The following P2RX4 variants were observed in gnomAD, a reference collection of about 807,000 sequenced individuals.
P2RX4 encodes the protein purinergic receptor P2X 4, also known as P2X purinoceptor 4.
A neutral mutation model predicts 48.0 loss-of-function variants in P2RX4; 37 were observed. The ratio of observed to expected loss-of-function variants is 0.77; its 90% CI spans 0.59 to 1.01. The LOEUF is 1.01. Among genes scored for constraint, P2RX4 ranks in the 50% least tolerant of loss-of-function variants. P2RX4 has a pLI of 0.00. For missense variants in P2RX4, 501 were observed against 521.4 expected (o/e 0.96, Z 0.38); for synonymous variants, 200 against 199.7 (o/e 1.00, Z -0.01).
Position 121,210,261 on chromosome 12 carries a change from C to T in P2RX4, c.97C>T (p.Arg33Cys), listed in dbSNP as rs780436793. The T allele has an allele frequency of 5.1e-6, 8 of 1,558,756 alleles. No homozygotes were observed. The South Asian group carries it at 9.4e-5, about 18-fold the overall frequency. ...CAGCCGCAAAGTGGGGCTCATGAAC[C>T]GCGCCGTGCAACTGCTCATCCTGGC... ...IRSRKVGLMN[R>C]AVQLLILAYV... The change falls in exon 1 of 12, where the codon CGC (arginine) becomes TGC (cysteine). Residue 33 changes from arginine to cysteine, a missense_variant. By Grantham distance (180) the Arg-to-Cys change is radical. Around this residue, in one of 3 missense-constraint regions of P2RX4, gnomAD observed 295 missense variants for 275.3 expected, o/e 1.07. Coordinates refer to ENST00000337233, the MANE Select transcript of P2RX4 (RefSeq NM_002560.3).
At chr12:121,222,440 T>C (rs1253057671) in intron 4 of P2RX4, 1 of 488,978 alleles carries the variant, frequency 2.0e-6, no homozygotes, top group Admixed American at 3.5e-5. Flanking sequence ...TGAGCCAGAG[T>C]CTCGCTCTGT....
At chr12:121,231,455 T>G (rs187073644) in intron 8 of P2RX4, among the ~76,000 whole-genome samples, 182 of 152,262 alleles carry the variant, frequency 1.2e-3, no homozygotes, top group African/African-American at 4.2e-3. Context: ...TGCACCCTTC[T>G]GTCATCCCCC....
At chr12:121,221,196 G>GTGTGTGTGTGTGTGTGTT (rs1886586579) in intron 2 of P2RX4, among the ~76,000 whole-genome samples, 1 of 94,506 alleles carries the variant, frequency 1.1e-5, no homozygotes, top group Non-Finnish European at 2.0e-5. Flanking sequence ...GTGTGTGTGT[G>GTGTGTGTGTGTGTGTGTT]TTTTTAGTAC....
chr12:121,231,132 C>T (rs964837190), intron 8 of P2RX4, among the ~76,000 whole-genome samples: 21 of 151,844 alleles, frequency 1.4e-4, no homozygotes, highest in African/African-American at 2.2e-4. Context: ...GGATTACAGG[C>T]GCCCGCCACC....
intron 1 of P2RX4, among the ~76,000 whole-genome samples, chr12:121,212,625 T>A (rs1885935879): frequency 1.3e-5 from 2 of 149,578 alleles, no homozygotes; most frequent in Middle Eastern, 3.5e-3. Flanking sequence ...CCGTCTCTAC[T>A]AAAAGTACAA....
At chr12:121,217,038 C>A (rs542040199) in intron 1 of P2RX4, 96 bp from the exon 2 acceptor site, 2 of 1,224,726 alleles carry the variant, frequency 1.6e-6, no homozygotes, top group South Asian at 2.4e-5. Flanking sequence ...AATTAGTCAA[C>A]ATCGTACTTC....
chr12:121,232,408 C>A lies in P2RX4; in HGVS notation c.885-6C>A, dbSNP rs768270967. 1 of 1,608,136 alleles carries A rather than the reference C, an allele frequency of 6.2e-7. No individual in the cohort carries two copies. On this transcript the variant is annotated splice_polypyrimidine_tract_variant and splice_region_variant and intron_variant, in intron 8 of 11. Transcript: ENST00000337233. The surrounding 1 kb of genome is among the most constrained non-coding windows in gnomAD (Gnocchi z 4.3). The stretch of plus-strand genomic sequence containing the variant: ...TCTCCCCCTGATCCATCCTCCTTCC[C>A]CTCAGGTTTGCCAAGTACTACAGAG...
chr12:121,223,712 C>A (rs924118490), intron 5 of P2RX4, among the ~76,000 whole-genome samples: 1 of 152,066 alleles, frequency 6.6e-6, no homozygotes, highest in East Asian at 1.9e-4. Context: ...GCGTGCACAG[C>A]GGGGGGGCAG....
Position 121,233,724 on chromosome 12 carries a change from C to A in P2RX4, c.*175C>A. The A allele has an allele frequency of 6.9e-7, 1 of 1,441,480 alleles. No homozygotes were observed. Among genetic ancestry groups the A allele is most frequent in the Middle Eastern group, 1.8e-4 (1 of 5,528 alleles). The allele number at this position is 1,441,480 out of a possible 1,614,324, so 89.3% of individuals were successfully genotyped here. A position where few individuals can be genotyped will look rare whatever the true frequency, so the allele number is the denominator to read the frequency against. ...GTGTGTTGTGTGCAGGATCTGTTTG[C>A]CCACTCGGCCCAGGAGGTCAGCAGT... On this transcript the variant is annotated 3_prime_UTR_variant, in exon 12 of 12. Transcript: ENST00000337233.
At chr12:121,231,316 T>A (rs1162111462) in intron 8 of P2RX4, among the ~76,000 whole-genome samples, 1 of 152,196 alleles carries the variant, frequency 6.6e-6, no homozygotes, top group Non-Finnish European at 1.5e-5. Flanking sequence ...CTTACTGAGA[T>A]GCAATTCACA....
At chr12:121,210,394 G>C in intron 1 of P2RX4, 96 bp downstream of exon 1, 1 of 1,233,158 alleles carries the variant, frequency 8.1e-7, no homozygotes, top group Non-Finnish European at 1.0e-6. Flanking sequence ...GGGCGAGTCC[G>C]GGAGCGGCGA....
chr12:121,228,677 TCTC>T (rs1317697121), intron 6 of P2RX4, 45 bp from the exon 7 acceptor site: 4 of 1,613,440 alleles, frequency 2.5e-6, no homozygotes, highest in Non-Finnish European at 3.4e-6. Flanking sequence ...TCTTCTCTCT[TCTC>T]TGAGGTTTTC....
chr12:121,216,640 G>A (rs1886241415), intron 1 of P2RX4: 3 of 309,204 alleles, frequency 9.7e-6, no homozygotes, highest in Non-Finnish European at 1.9e-5. Flanking sequence ...GGCCAACATG[G>A]TGAAACCCCG....
At position 121,220,568 on chromosome 12, in the gene P2RX4, G is replaced by A. The variant is rs538235788; in HGVS notation, c.283-1345G>A. Among the ~76,000 whole-genome samples the A allele has an allele frequency of 2.3e-3, 344 of 152,156 alleles. 2 individuals are homozygous for A. Among genetic ancestry groups the A allele is most frequent in the Non-Finnish European group, 3.9e-3 (262 of 67,990 alleles). ...GGAGAATCGCTTGAACCCAGGAGGC[G>A]GAGATTGCAGTAAGCCAAGATCGTG... On this transcript the variant is annotated intron_variant, in intron 2 of 11. Coordinates refer to ENST00000337233, the MANE Select transcript of P2RX4 (RefSeq NM_002560.3).
chr12:121,222,768 G>T (rs1338551632), intron 4 of P2RX4, 179 bp from the exon 5 acceptor site: 2 of 1,527,928 alleles, frequency 1.3e-6, no homozygotes, highest in East Asian at 2.5e-5. Context: ...TGGCACACAG[G>T]TAACTGTCTT....
At chr12:121,217,962 TAAC>T (rs1886341671) in intron 2 of P2RX4, among the ~76,000 whole-genome samples, 1 of 152,120 alleles carries the variant, frequency 6.6e-6, no homozygotes, top group Non-Finnish European at 1.5e-5. Context: ...TTAGTCCTGG[TAAC>T]AGCTCTGCAC....
chr12:121,232,283 G>C lies in P2RX4; in HGVS notation c.885-131G>C. 2.9e-6 allele frequency: 2 copies of C among 684,018 alleles called. No homozygotes were observed. The highest frequency in any genetic ancestry group is 5.1e-6 in the Non-Finnish European group (2 of 388,684). 42.4% of individuals were successfully genotyped at this position (684,018 alleles called of 1,614,324 possible). A position where few individuals can be genotyped will look rare whatever the true frequency, so the allele number is the denominator to read the frequency against. On this transcript the variant is annotated intron_variant, in intron 8 of 11. Coordinates refer to ENST00000337233, the MANE Select transcript of P2RX4 (RefSeq NM_002560.3). This position sits in a 1 kb window ranked among gnomAD's most constrained non-coding sequence, Gnocchi z 4.3. ...GCCCGCCTCAGCCAGGAGAGGCCCC[G>C]AGCCGCTCCAGCGTCCATTCAGCCG...
intron 2 of P2RX4, among the ~76,000 whole-genome samples, chr12:121,217,798 A>G (rs929454116): frequency 5.3e-5 from 8 of 151,578 alleles, no homozygotes; most frequent in African/African-American, 1.9e-4. Flanking sequence ...GAAAAGAATT[A>G]GAGACCATTA....
chr12:121,226,810 G>C (rs1402170194), intron 5 of P2RX4, among the ~76,000 whole-genome samples: 1 of 151,688 alleles, frequency 6.6e-6, no homozygotes, highest in Non-Finnish European at 1.5e-5. Context: ...AGGGAGTGGG[G>C]ACTTTGAAGA....
Sources: allele counts gnomAD v4.1 joint callset (sites outside exome capture counted in the v4.1 genomes callset), GRCh38; gene constraint gnomAD v4.1.1; regional missense constraint gnomAD v4.1.1; non-coding constraint Gnocchi (gnomAD v3.1); transcripts MANE v1.5; gene names NCBI Gene and HGNC (gene_info 2026-07-23, HGNC 2026-07-21).